The following MARCHF3 variants were observed in gnomAD, a reference collection of about 807,000 sequenced individuals.
MARCHF3 encodes E3 ubiquitin-protein ligase MARCHF3.
Under a neutral mutation model 24.2 loss-of-function variants are expected in MARCHF3, and 13 were observed. That is an observed-to-expected ratio of 0.54 (90% CI 0.35 to 0.85). The LOEUF is 0.85. MARCHF3 is among the 40% of genes least tolerant of loss of function. MARCHF3 has a pLI of 0.01. For synonymous variants in MARCHF3, 144 were observed against 137.3 expected (o/e 1.05, Z -0.34); for missense variants, 276 against 325.0 (o/e 0.85, Z 1.16).
intron 1 of MARCHF3, among the ~76,000 whole-genome samples, chr5:126,922,625 C>A (rs577711458): frequency 6.6e-6 from 1 of 152,170 alleles, no homozygotes; most frequent in Non-Finnish European, 1.5e-5. Flanking sequence ...CCGCTCACTG[C>A]AAGCTCCGCC....
rs910751846 is a variant in MARCHF3 at position 126,909,776 on chromosome 5, G to A, written c.393+5154C>T. Among the ~76,000 whole-genome samples, 25 of 152,186 alleles carry A rather than the reference G, an allele frequency of 1.6e-4. No homozygotes were observed. In the East Asian group the frequency reaches 3.3e-3, roughly 20 times the overall value. On this transcript the variant is annotated intron_variant, in intron 3 of 4. Transcript: ENST00000308660. ...AATGCAGAAATCACCCGTCTTCTGC[G>A]TTGCTCACGCTGGGAGCTGTAGACC...
intron 4 of MARCHF3, among the ~76,000 whole-genome samples, chr5:126,874,353 C>T (rs185007369): frequency 3.3e-5 from 5 of 152,068 alleles, no homozygotes; most frequent in Admixed American, 6.6e-5. Context: ...TTTGGGAGGC[C>T]GAGGCAGGCA....
chr5:126,982,525 CAG>C (rs1209915816), intron 1 of MARCHF3, among the ~76,000 whole-genome samples: 9 of 152,172 alleles, frequency 5.9e-5, no homozygotes, highest in African/African-American at 2.2e-4. Flanking sequence ...GCCCCATCTG[CAG>C]AGAGTCTGAC....
chr5:126,881,703 G>A (rs1397830637), intron 3 of MARCHF3, among the ~76,000 whole-genome samples: 1 of 151,808 alleles, frequency 6.6e-6, no homozygotes, highest in Non-Finnish European at 1.5e-5. Context: ...ACAAAGACAG[G>A]GGGCCACCTA....
chr5:126,937,802 A>G (rs1749695021), intron 1 of MARCHF3, among the ~76,000 whole-genome samples: 1 of 152,180 alleles, frequency 6.6e-6, no homozygotes, highest in Non-Finnish European at 1.5e-5. Context: ...TAATTCTTTT[A>G]CAGAATCGAA....
chr5:127,029,146 G>C (rs576072752), intron 1 of MARCHF3, among the ~76,000 whole-genome samples: 1 of 152,184 alleles, frequency 6.6e-6, no homozygotes, highest in Admixed American at 6.5e-5. Flanking sequence ...CCATCTCTGT[G>C]ACCCAAGGGA....
At chr5:126,978,477 C>G (rs999301020) in intron 1 of MARCHF3, among the ~76,000 whole-genome samples, 15 of 151,996 alleles carry the variant, frequency 9.9e-5, no homozygotes, top group Non-Finnish European at 1.9e-4. Flanking sequence ...TCTTTTCATA[C>G]CTAGATAACA....
At chr5:126,904,586 G>C (rs1409143164) in intron 3 of MARCHF3, among the ~76,000 whole-genome samples, 1 of 150,030 alleles carries the variant, frequency 6.7e-6, no homozygotes, top group Non-Finnish European at 1.5e-5. Context: ...ATTTTTTCAT[G>C]TGTTTTTTGG....
At position 126,867,919 on chromosome 5, in the gene MARCHF3, C is replaced by T. The variant is rs1404834875; in HGVS notation, c.*2714G>A. The T allele has an allele frequency of 1.3e-5, 2 of 152,178 alleles. No individual in the cohort carries two copies. The highest frequency in any genetic ancestry group is 2.9e-5 in the Non-Finnish European group (2 of 68,042). The allele number at this position is 152,178 out of a possible 1,614,324, so 9.4% of individuals were successfully genotyped here. A position where few individuals can be genotyped will look rare whatever the true frequency, so the allele number is the denominator to read the frequency against. On this transcript the variant is annotated 3_prime_UTR_variant, in exon 5 of 5. Transcript: ENST00000308660. ...CACCTTCTGGCTTCACTGTGACACA[C>T]ATTTATCTCTACATGACATTCTCAA...
rs565138850 is a variant in MARCHF3 at position 127,008,456 on chromosome 5, G to A, written c.-57+21894C>T. ...TCTGGGTGAATCCACTCAGAATTGG[G>A]AGAACTGGGTAACGTCAATAAGTCT... is the stretch of plus-strand genomic sequence containing the variant. On this transcript the variant is annotated intron_variant, in intron 1 of 4. Transcript: ENST00000308660. Among the ~76,000 whole-genome samples the A allele has an allele frequency of 2.0e-5, 3 of 152,276 alleles. No individual in the cohort carries two copies. The South Asian group carries it at 6.2e-4, about 32-fold the overall frequency.
At chr5:127,020,375 G>T (rs958672614) in intron 1 of MARCHF3, among the ~76,000 whole-genome samples, 24 of 152,188 alleles carry the variant, frequency 1.6e-4, no homozygotes, top group Non-Finnish European at 4.4e-5. Context: ...GTGCAATGTT[G>T]TAAGGAGGTA....
chr5:126,941,071 A>G (rs1191511632), intron 1 of MARCHF3, among the ~76,000 whole-genome samples: 2 of 152,232 alleles, frequency 1.3e-5, no homozygotes, highest in Non-Finnish European at 2.9e-5. Context: ...ATATAAAACC[A>G]CAAGTTTACA....
intron 1 of MARCHF3, among the ~76,000 whole-genome samples, chr5:126,950,126 G>A (rs1269883125): frequency 6.6e-6 from 1 of 152,060 alleles, no homozygotes; most frequent in Admixed American, 6.6e-5. Flanking sequence ...GTTTAAACAA[G>A]TGGCCCATCA....
intron 1 of MARCHF3, among the ~76,000 whole-genome samples, chr5:127,016,680 C>A (rs573696606): frequency 2.0e-5 from 3 of 152,288 alleles, no homozygotes; most frequent in African/African-American, 7.2e-5. Context: ...ATTAATTCAA[C>A]CACTGTGGAA....
chr5:127,022,548 T>C (rs1379323741), intron 1 of MARCHF3, among the ~76,000 whole-genome samples: 1 of 152,078 alleles, frequency 6.6e-6, no homozygotes, highest in Non-Finnish European at 1.5e-5. Flanking sequence ...TATGGGAAAA[T>C]GCCAAAGCAA....
chr5:126,910,800 A>T (rs1016352086), intron 3 of MARCHF3, among the ~76,000 whole-genome samples: 11 of 152,254 alleles, frequency 7.2e-5, no homozygotes, highest in African/African-American at 2.7e-4. Context: ...TGTTCAGGAA[A>T]CAAGAGAGAT....
At chr5:126,918,334 G>A in intron 1 of MARCHF3, 107 bp from the exon 2 acceptor site, 1 of 706,274 alleles carries the variant, frequency 1.4e-6, no homozygotes, top group Non-Finnish European at 2.3e-6. Context: ...ACAAATAACA[G>A]GGGTAGCCTA....
intron 1 of MARCHF3, among the ~76,000 whole-genome samples, chr5:126,922,721 T>C (rs1253014266): frequency 1.3e-5 from 2 of 152,014 alleles, no homozygotes; most frequent in Non-Finnish European, 2.9e-5. Context: ...TAATTTTTTA[T>C]ATTTTTAGTA....
At chr5:126,957,703 T>A (rs1262157332) in intron 1 of MARCHF3, among the ~76,000 whole-genome samples, 2 of 152,150 alleles carry the variant, frequency 1.3e-5, no homozygotes, top group Non-Finnish European at 2.9e-5. Context: ...AAAATTATTA[T>A]AGACTTATAA....
Sources: allele counts gnomAD v4.1 joint callset (sites outside exome capture counted in the v4.1 genomes callset), GRCh38; gene constraint gnomAD v4.1.1; transcripts MANE v1.5; gene names NCBI Gene and HGNC (gene_info 2026-07-23, HGNC 2026-07-21).